Variants in EXOC6 observed in about 807,000 individuals in gnomAD.
EXOC6 encodes SEC15-like 1.
Under a neutral mutation model 112.5 loss-of-function variants are expected in EXOC6, and 60 were observed. The observed-to-expected ratio is 0.53, with a 90% CI of 0.43 to 0.66. The LOEUF is 0.66. EXOC6 is among the 30% of genes least tolerant of loss of function. The pLI is 0.00. For missense variants in EXOC6, 855 were observed against 957.1 expected, an observed-to-expected ratio of 0.89 and a Z score of 1.41; for synonymous variants, 295 against 308.0, an observed-to-expected ratio of 0.96 and a Z score of 0.44.
intron 7 of EXOC6, among the ~76,000 whole-genome samples, chr10:92,918,338 T>C (rs1026355493): frequency 6.6e-6 from 1 of 152,166 alleles, no homozygotes; most frequent in Admixed American, 6.5e-5. Flanking sequence ...GTAAGAATTT[T>C]TAGTTGAACC....
intron 1 of EXOC6, among the ~76,000 whole-genome samples, chr10:92,888,780 G>A (rs996213550): frequency 6.6e-6 from 1 of 152,052 alleles, no homozygotes; most frequent in African/African-American, 2.4e-5. Flanking sequence ...AGCACACCAA[G>A]GTCAGTTAAG....
chr10:92,839,398 T>C lies in EXOC6; in HGVS notation c.86+4574T>C, dbSNP rs752795948. Reference sequence around the variant, plus strand: ...TTAGTCCCTGTTTTACTCAGTATTATCAAATTCCTTGCACAAGGATGGTCA... The same window carrying C: ...TTAGTCCCTGTTTTACTCAGTATTACCAAATTCCTTGCACAAGGATGGTCA... On this transcript the variant is annotated intron_variant, in intron 1 of 21. Coordinates refer to the EXOC6 transcript ENST00000371552. 1.1e-4 allele frequency among the ~76,000 whole-genome samples: 17 copies of C among 152,304 alleles called. No homozygotes were observed. The East Asian group carries it at 1.2e-3, about 10-fold the overall frequency.
chr10:92,910,652 C>T (rs755420133), intron 6 of EXOC6, among the ~76,000 whole-genome samples: 12 of 151,946 alleles, frequency 7.9e-5, no homozygotes, highest in African/African-American at 1.5e-4. Flanking sequence ...AATTTGGGGC[C>T]GGGCGGGGTG....
chr10:92,892,865 A>T (rs1849575433), intron 1 of EXOC6, among the ~76,000 whole-genome samples: 1 of 152,210 alleles, frequency 6.6e-6, no homozygotes, highest in South Asian at 2.1e-4. Context: ...TGTGGAATTT[A>T]TGGCAGTTCA....
chr10:92,848,657 A>T, intron 1 of EXOC6, 23 bp downstream of exon 1: 1 of 1,335,274 alleles, frequency 7.5e-7, no homozygotes, highest in Non-Finnish European at 9.8e-7. Flanking sequence ...TCCCACCGGG[A>T]CTTCGGCCCC....
chr10:92,834,669 T>TA, upstream of EXOC6: 4 of 1,264,300 alleles, frequency 3.2e-6, no homozygotes, highest in Non-Finnish European at 4.4e-6. Flanking sequence ...ATTTTTTTTT[T>TA]TATAAATTAC....
At chr10:92,850,271 T>C (rs979091246) in intron 1 of EXOC6, among the ~76,000 whole-genome samples, 2 of 152,236 alleles carry the variant, frequency 1.3e-5, no homozygotes, top group Non-Finnish European at 2.9e-5. Context: ...TTTGGGACAC[T>C]CAGGAACAGA....
intron 8 of EXOC6, among the ~76,000 whole-genome samples, chr10:92,921,518 G>T (rs1169913373): frequency 6.6e-6 from 1 of 151,866 alleles, no homozygotes; most frequent in African/African-American, 2.4e-5. Flanking sequence ...AAAGTGCTGG[G>T]GTTACAGGTG....
At chr10:93,050,759 C>CAAAAAAAAAAA (rs58439083) in intron 20 of EXOC6, among the ~76,000 whole-genome samples, 3,592 of 37,244 alleles carry the variant, frequency 0.096, 1,328 homozygotes, top group African/African-American at 0.16. Flanking sequence ...GACTCCGTCT[C>CAAAAAAAAAAA]AAAAAAAAAA....
intron 20 of EXOC6, among the ~76,000 whole-genome samples, chr10:93,022,002 G>A (rs1369888238): frequency 6.6e-6 from 1 of 152,130 alleles, no homozygotes; most frequent in Admixed American, 6.5e-5. Flanking sequence ...CGGATAGATA[G>A]ATGGTTGGTT....
At chr10:92,974,990 C>T (rs1207024969) in intron 18 of EXOC6, among the ~76,000 whole-genome samples, 3 of 152,144 alleles carry the variant, frequency 2.0e-5, no homozygotes, top group Admixed American at 6.5e-5. Flanking sequence ...GCCGCCACCC[C>T]GTCTGGGAAG....
chr10:92,842,472 CATT>C (rs1368662231), intron 1 of EXOC6, among the ~76,000 whole-genome samples: 23 of 150,306 alleles, frequency 1.5e-4, no homozygotes, highest in African/African-American at 5.6e-4. Flanking sequence ...TCATCATCAT[CATT>C]TCATTAGCTA....
At chr10:92,931,115 GAAAAA>G (rs60087746) in intron 9 of EXOC6, among the ~76,000 whole-genome samples, 206 of 70,598 alleles carry the variant, frequency 2.9e-3, no homozygotes, top group African/African-American at 0.01. Context: ...CATCTCAGAA[GAAAAA>G]AAAAAAAAAA....
chr10:92,934,331 C>T lies in EXOC6; in HGVS notation c.1041C>T (p.His347=). Residue 347 remains histidine, a synonymous_variant, in exon 11 of 22, where the codon CAC becomes CAT. Transcript: ENST00000260762. ...QIVGFFVVED[H]ILHVTQGLVT... Reference sequence around the variant, plus strand: ...TTAGGTTCTTTGTGGTAGAAGATCACATTTTACATGTGACCCAAGGATTAG... The same window carrying T: ...TTAGGTTCTTTGTGGTAGAAGATCATATTTTACATGTGACCCAAGGATTAG... 1 of 1,587,444 alleles carries T rather than the reference C, an allele frequency of 6.3e-7. No homozygotes were observed. Among genetic ancestry groups the T allele is most frequent in the South Asian group, 1.2e-5 (1 of 84,746 alleles).
chr10:92,868,615 T>A (rs570977761), intron 1 of EXOC6, among the ~76,000 whole-genome samples: 2 of 152,278 alleles, frequency 1.3e-5, no homozygotes, highest in South Asian at 4.2e-4. Context: ...GAGCTATAAT[T>A]ATAAATTAAT....
intron 8 of EXOC6, among the ~76,000 whole-genome samples, chr10:92,926,988 G>A (rs887401182): frequency 6.6e-6 from 1 of 151,962 alleles, no homozygotes; most frequent in African/African-American, 2.4e-5. Flanking sequence ...ACTGTGTGGG[G>A]GACATTATAG....
chr10:93,045,275 T>TA (rs1377583011), intron 20 of EXOC6, among the ~76,000 whole-genome samples: 1 of 152,228 alleles, frequency 6.6e-6, no homozygotes, highest in Admixed American at 6.5e-5. Flanking sequence ...AATTTTAGGG[T>TA]AAAACATATG....
At chr10:92,942,351 C>T (rs914053098) in intron 13 of EXOC6, among the ~76,000 whole-genome samples, 3 of 152,166 alleles carry the variant, frequency 2.0e-5, no homozygotes, top group Non-Finnish European at 4.4e-5. Context: ...GCTATAAACA[C>T]ACCACTGCAC....
At chr10:93,031,510 C>CTT (rs778524287) in intron 20 of EXOC6, among the ~76,000 whole-genome samples, 103 of 130,458 alleles carry the variant, frequency 7.9e-4, no homozygotes, top group East Asian at 1.1e-3. Flanking sequence ...TTCTTTCTTT[C>CTT]TTTTTTTTTT....
Sources: allele counts gnomAD v4.1 joint callset (sites outside exome capture counted in the v4.1 genomes callset), GRCh38; gene constraint gnomAD v4.1.1; transcripts MANE v1.5; gene names NCBI Gene and HGNC (gene_info 2026-07-23, HGNC 2026-07-21).